Variants in FBP1 observed in about 807,000 individuals in gnomAD.
FBP1 encodes fructose-bisphosphatase 1.
Under a neutral mutation model 29.9 loss-of-function variants are expected in FBP1, and 22 were observed. The ratio of observed to expected loss-of-function variants is 0.74; its 90% confidence interval spans 0.53 to 1.05. The LOEUF (loss-of-function observed/expected upper bound fraction) is 1.05, where lower values mean the gene tolerates loss of function less well. Ranked by LOEUF, FBP1 falls within the 50% of genes least tolerant of loss-of-function variation. The pLI is 0.00. For missense variants in FBP1, 345 were observed against 448.2 expected (o/e 0.77, Z 2.08); for synonymous variants, 175 against 178.6 (o/e 0.98, Z 0.16).
chr9:94,623,539 C>T (rs1827978291), intron 1 of FBP1, among the ~76,000 whole-genome samples: 1 of 152,140 alleles, frequency 6.6e-6, no homozygotes, highest in East Asian at 1.9e-4. Context: ...CTCGGGGGGC[C>T]GGGAGGGCTG....
intron 4 of FBP1, 126 bp downstream of exon 4, chr9:94,609,795 T>G: frequency 9.4e-7 from 1 of 1,068,686 alleles, no homozygotes; most frequent in Non-Finnish European, 1.4e-6. Flanking sequence ...CCACCACACA[T>G]CATCATCTCT....
chr9:94,619,874 C>CAAAAAAAAAAAAAAAAAAAA lies in FBP1; in HGVS notation c.333+435_333+454dup, dbSNP rs56722632. Among the ~76,000 whole-genome samples, 37 of 99,166 alleles carry CAAAAAAAAAAAAAAAAAAAA rather than the reference C, an allele frequency of 3.7e-4. 3 individuals carry two copies. The highest frequency in any genetic ancestry group is 2.0e-3 in the African/African-American group (35 of 17,536). The allele number at this position is 99,166 out of a possible 152,430, so 65.1% of individuals were successfully genotyped here. On this transcript the variant is annotated intron_variant, in intron 2 of 6. Transcript: ENST00000375326. ...GGGCAACAAGAGCAAAACACTGTCTCAAAAAAAAAAAAAAAAAAAAAAAAA... is the reference window on the plus strand; with the variant it reads ...GGGCAACAAGAGCAAAACACTGTCTCAAAAAAAAAAAAAAAAAAAAAAAAAAAAAAAAAAAAAAAAAAAAA...
At chr9:94,638,054 C>T (rs769730277) in intron 1 of FBP1, among the ~76,000 whole-genome samples, 3 of 148,730 alleles carry the variant, frequency 2.0e-5, no homozygotes, top group African/African-American at 7.5e-5. Context: ...CCATTGCACT[C>T]CAGCCTGGGC....
At chr9:94,619,354 C>T (rs746369233) in intron 2 of FBP1, among the ~76,000 whole-genome samples, 7 of 152,148 alleles carry the variant, frequency 4.6e-5, no homozygotes, top group Non-Finnish European at 7.3e-5. Flanking sequence ...CCTTCATGTT[C>T]CCAGTTCCTC....
In FBP1 at chr9:94,604,739, G is replaced by A. The variant is rs28369767; in HGVS notation, c.825+718C>T. Among the ~76,000 whole-genome samples, 1,220 of 152,224 alleles carry A rather than the reference G, an allele frequency of 8.0e-3. 22 individuals are homozygous for A. Among genetic ancestry groups the A allele is most frequent in the African/African-American group, 0.028 (1,163 of 41,544 alleles). The stretch of plus-strand genomic sequence containing the variant: ...GCAGAGGCTGCAGTGAGCTGAGATC[G>A]CGCCACTGCACTCCAGCCTGGGCGA... On this transcript the variant is annotated intron_variant, in intron 6 of 6. Transcript: ENST00000375326.
intron 1 of FBP1, among the ~76,000 whole-genome samples, chr9:94,621,273 G>A (rs1168410901): frequency 1.7e-4 from 25 of 149,642 alleles, no homozygotes; most frequent in Admixed American, 6.7e-4. Flanking sequence ...GCGGGCGCCT[G>A]TAGTCCCAGC....
At chr9:94,606,198 AG>A (rs1306385805) in intron 5 of FBP1, among the ~76,000 whole-genome samples, 5 of 152,196 alleles carry the variant, frequency 3.3e-5, no homozygotes, top group Admixed American at 3.3e-4. Flanking sequence ...TTTTAAACAA[AG>A]AAAGGACAAA....
chr9:94,638,636 G>A (rs1303383901), intron 1 of FBP1, among the ~76,000 whole-genome samples: 1 of 138,920 alleles, frequency 7.2e-6, no homozygotes, highest in African/African-American at 2.7e-5. Context: ...GGGGGGGGCG[G>A]GGGGGACACT....
chr9:94,636,238 G>C (rs187481580), intron 1 of FBP1, among the ~76,000 whole-genome samples: 34 of 152,190 alleles, frequency 2.2e-4, no homozygotes, highest in Admixed American at 4.6e-4. Flanking sequence ...CCAGCATTTT[G>C]GGAGGCCAAG....
chr9:94,613,477 T>C (rs1448784198), intron 3 of FBP1, among the ~76,000 whole-genome samples: 2 of 152,188 alleles, frequency 1.3e-5, no homozygotes, highest in Non-Finnish European at 2.9e-5. Flanking sequence ...AGCCAGACAC[T>C]GGTGGGGCCA....
Position 94,612,552 on chromosome 9 carries a change from T to C in FBP1, c.427-2491A>G, listed in dbSNP as rs1035649567. Among the ~76,000 whole-genome samples, 212 of 56,628 alleles carry C rather than the reference T, an allele frequency of 3.7e-3. 2 individuals carry two copies. Among genetic ancestry groups the C allele is most frequent in the African/African-American group, 0.015 (175 of 11,678 alleles). 37.2% of individuals were successfully genotyped at this position (56,628 alleles called of 152,430 possible). A position where few individuals can be genotyped will look rare whatever the true frequency, so the allele number is the denominator to read the frequency against. ...TTCTTTTCTAGCCCAGCCCCCAATT[T>C]TTTTTTTTTTTTTTTTTTTTTTGGA... is the stretch of plus-strand genomic sequence containing the variant. On this transcript the variant is annotated intron_variant, in intron 3 of 6. Coordinates refer to ENST00000375326, the MANE Select transcript of FBP1 (RefSeq NM_000507.4).
At chr9:94,610,110 CT>C (rs1827763137) in intron 3 of FBP1, 49 bp from the exon 4 acceptor site, 2 of 1,586,746 alleles carry the variant, frequency 1.3e-6, no homozygotes, top group Non-Finnish European at 1.7e-6. Flanking sequence ...TTTTGTGATT[CT>C]TTTTTACAGT....
intron 1 of FBP1, among the ~76,000 whole-genome samples, chr9:94,634,205 A>G (rs1828155960): frequency 6.6e-6 from 1 of 151,040 alleles, no homozygotes; most frequent in Non-Finnish European, 1.5e-5. Flanking sequence ...GAGGCAGGAG[A>G]ATGGCATGAA....
rs863223964 is a variant in FBP1, at chr9:94,610,030, G to T, written c.458C>A (p.Ala153Asp). ...KSTDEPSEKDALQPGRNLVAA... is the reference protein window; with the variant it reads ...KSTDEPSEKDDLQPGRNLVAA... ...CACCAGGTTCCGGCCTGGTTGCAGA[G>T]CATCCTTCTCAGAAGGCTCATCAGT... Residue 153 changes from alanine (A) to aspartate (D), a missense_variant, in exon 4 of 7, where the codon GCT (alanine) becomes GAT (aspartate). Ala to Asp is a moderately radical substitution (Grantham distance 126). Coordinates refer to ENST00000375326, the MANE Select transcript of FBP1 (RefSeq NM_000507.4). The T allele has an allele frequency of 1.8e-5, 29 of 1,614,156 alleles. No individual in the cohort carries two copies. Among genetic ancestry groups the T allele is most frequent in the Non-Finnish European group, 2.3e-5 (27 of 1,179,978 alleles).
intron 1 of FBP1, among the ~76,000 whole-genome samples, chr9:94,636,725 G>A (rs1355852683): frequency 6.6e-6 from 1 of 151,628 alleles, no homozygotes; most frequent in Admixed American, 6.6e-5. Flanking sequence ...AGTCTTACTC[G>A]GTCGCCAGGC....
intron 4 of FBP1, among the ~76,000 whole-genome samples, chr9:94,609,284 C>G (rs2131476009): frequency 6.6e-6 from 1 of 152,144 alleles, no homozygotes; most frequent in East Asian, 1.9e-4. Context: ...TTTGAAGAAG[C>G]AATGTCGTCC....
chr9:94,603,382 C>A lies in FBP1; in HGVS notation c.1016G>T (p.Ter339LeuextTer36). Residue 339 changes from the stop codon to leucine (L), a stop_lost, in exon 7 of 7, where the codon TGA becomes TTA. Coordinates refer to ENST00000375326, the MANE Select transcript of FBP1 (RefSeq NM_000507.4). ...TCCGGATGCAGGCAGGGCAGGTGCT[C>A]ACTGGGCAGAGTGCTTCTCATACAC... ...LKVYEKHSAQ* is the reference protein window; with the variant it reads ...LKVYEKHSAQL 1 of 1,613,094 alleles carries A rather than the reference C, an allele frequency of 6.2e-7. No individual in the cohort carries two copies.
chr9:94,635,086 CAAAAA>C (rs11289183), intron 1 of FBP1, among the ~76,000 whole-genome samples: 115 of 82,246 alleles, frequency 1.4e-3, no homozygotes, highest in Middle Eastern at 0.018. Flanking sequence ...GGCCCTGTCT[CAAAAA>C]AAAAAAAAAA....
chr9:94,629,182 A>G (rs1828067179), intron 1 of FBP1, among the ~76,000 whole-genome samples: 1 of 151,790 alleles, frequency 6.6e-6, no homozygotes, highest in Admixed American at 6.6e-5. Context: ...GGGTCTCACC[A>G]TGTTGACCAG....
Sources: allele counts gnomAD v4.1 joint callset (sites outside exome capture counted in the v4.1 genomes callset), GRCh38; gene constraint gnomAD v4.1.1; transcripts MANE v1.5; gene names NCBI Gene and HGNC (gene_info 2026-07-23, HGNC 2026-07-21).